Variants in ZRANB1 observed in about 807,000 individuals in gnomAD.
The protein encoded by ZRANB1 is zinc finger RANBP2-type containing 1.
Under a neutral mutation model 80.5 loss-of-function variants are expected in ZRANB1, and 16 were observed. That is an observed-to-expected ratio of 0.20 (90% CI 0.13 to 0.30). The LOEUF is 0.30. Ranked by LOEUF, ZRANB1 falls within the 10% of genes least tolerant of loss-of-function variation. The pLI is 1.00. For missense variants in ZRANB1, 576 were observed against 862.6 expected (o/e 0.67, Z 4.16); for synonymous variants, 291 against 293.1 (o/e 0.99, Z 0.07).
chr10:124,966,724 T>G lies in ZRANB1; in HGVS notation c.945T>G (p.Leu315=), dbSNP rs1329662995. The G allele has an allele frequency of 6.2e-7, 1 of 1,614,192 alleles. No individual in the cohort carries two copies. The highest frequency in any genetic ancestry group is 1.1e-5 in the South Asian group (1 of 91,086). ...CTGCCTTTGATGTTGGCTATACTCT[T>G]GTACACTTGGCTATACGTTTTCAGA... ...RPSAFDVGYT[L]VHLAIRFQRQ... is the part of the protein sequence containing the mutation. Residue 315 remains leucine, a synonymous_variant, in exon 2 of 9, where the codon CTT becomes CTG. Transcript: ENST00000359653.
At chr10:124,949,871 G>T (rs561675413) in intron 1 of ZRANB1, among the ~76,000 whole-genome samples, 4 of 152,288 alleles carry the variant, frequency 2.6e-5, no homozygotes, top group African/African-American at 7.2e-5. Flanking sequence ...TAGGGAATAT[G>T]TGAATCAGTA....
At chr10:124,968,042 G>A (rs1365006579) in intron 2 of ZRANB1, among the ~76,000 whole-genome samples, 5 of 152,016 alleles carry the variant, frequency 3.3e-5, no homozygotes, top group Non-Finnish European at 7.4e-5. Flanking sequence ...GGGATTGTAG[G>A]CACATGCCAC....
At chr10:124,963,640 A>C (rs1383702277) in intron 1 of ZRANB1, among the ~76,000 whole-genome samples, 1 of 145,640 alleles carries the variant, frequency 6.9e-6, no homozygotes, top group Admixed American at 7.2e-5. Flanking sequence ...GCGGTGGCTA[A>C]AACTTTAAAT....
chr10:124,946,704 A>G (rs1472583365), intron 1 of ZRANB1, among the ~76,000 whole-genome samples: 2 of 152,188 alleles, frequency 1.3e-5, no homozygotes, highest in Admixed American at 1.3e-4. Context: ...TGGGATAGCC[A>G]TATTCTGATG....
In ZRANB1 at chr10:124,985,948, C is replaced by T. The variant is rs1043163673; in HGVS notation, c.*956C>T. On this transcript the variant is annotated 3_prime_UTR_variant, in exon 9 of 9. Transcript: ENST00000359653. ...ATCTTGTTAGAAGGGCATGCCTTTG[C>T]TTAGGCAGATTGGGAATACCAATTC... The T allele has an allele frequency of 7.2e-5, 11 of 152,300 alleles. No individual in the cohort carries two copies. The highest frequency in any genetic ancestry group is 2.6e-4 in the Admixed American group (4 of 15,294). The allele number at this position is 152,300 out of a possible 1,614,324, so 9.4% of individuals were successfully genotyped here. A position where few individuals can be genotyped will look rare whatever the true frequency, so the allele number is the denominator to read the frequency against.
At chr10:124,961,114 G>T (rs1292940055) in intron 1 of ZRANB1, among the ~76,000 whole-genome samples, 1 of 151,878 alleles carries the variant, frequency 6.6e-6, no homozygotes, top group East Asian at 1.9e-4. Context: ...CGATTCTCCT[G>T]CCTCAGCCTC....
At chr10:124,975,546 A>C (rs1332856378) in intron 5 of ZRANB1, among the ~76,000 whole-genome samples, 1 of 152,218 alleles carries the variant, frequency 6.6e-6, no homozygotes, top group East Asian at 1.9e-4. Flanking sequence ...TCACTGGAAA[A>C]ATAATTGTTT....
chr10:124,954,533 T>C (rs954868255), intron 1 of ZRANB1, among the ~76,000 whole-genome samples: 2 of 150,118 alleles, frequency 1.3e-5, no homozygotes, highest in South Asian at 4.3e-4. Context: ...CTGCAACCTC[T>C]ACCTTCTGGG....
At chr10:124,930,292 T>G in the ZRANB1 span, among the ~76,000 whole-genome samples, 1 of 152,108 alleles carries the variant, frequency 6.6e-6, no homozygotes, top group Non-Finnish European at 1.5e-5. Flanking sequence ...CTTTCATGGA[T>G]TCTCACTCTG....
chr10:124,926,233 CTT>C, the ZRANB1 span, among the ~76,000 whole-genome samples: 1 of 152,160 alleles, frequency 6.6e-6, no homozygotes, highest in Non-Finnish European at 1.5e-5. Flanking sequence ...ACAGTGAACA[CTT>C]TGGCTACACT....
At chr10:124,923,389 C>T in the ZRANB1 span, among the ~76,000 whole-genome samples, 3 of 150,584 alleles carry the variant, frequency 2.0e-5, no homozygotes, top group African/African-American at 4.9e-5. Context: ...ATCAGGAGTT[C>T]GAGACCAACC....
the ZRANB1 span, among the ~76,000 whole-genome samples, chr10:124,922,547 C>A: frequency 2.0e-5 from 3 of 148,610 alleles, no homozygotes; most frequent in Non-Finnish European, 4.4e-5. Context: ...GGCTGGAGTA[C>A]AATGGCACGA....
rs528505506 is a variant in ZRANB1 at position 124,964,618 on chromosome 10, A to G, written c.815-1976A>G. Among the ~76,000 whole-genome samples the G allele has an allele frequency of 5.3e-5, 8 of 152,342 alleles. No individual in the cohort carries two copies. The South Asian group carries it at 1.2e-3, about 24-fold the overall frequency. ...ACGTATATACACATAAATTGTACAG[A>G]TCTTCCTCTTTGCTTTTTCAGCTAA... On this transcript the variant is annotated intron_variant, in intron 1 of 8. Coordinates refer to ENST00000359653, the MANE Select transcript of ZRANB1 (RefSeq NM_017580.3).
intron 1 of ZRANB1, among the ~76,000 whole-genome samples, chr10:124,957,264 A>G (rs1363265142): frequency 6.6e-6 from 1 of 151,918 alleles, no homozygotes; most frequent in Non-Finnish European, 1.5e-5. Flanking sequence ...CCTTATGATT[A>G]GATTCAGTTT....
chr10:124,924,494 C>T, the ZRANB1 span, among the ~76,000 whole-genome samples: 1 of 152,168 alleles, frequency 6.6e-6, no homozygotes, highest in Admixed American at 6.5e-5. Flanking sequence ...TCCGCCTTGC[C>T]TCAGCTCCTG....
At chr10:124,978,207 G>A (rs1001307832) in intron 5 of ZRANB1, among the ~76,000 whole-genome samples, 2 of 152,214 alleles carry the variant, frequency 1.3e-5, no homozygotes, top group Non-Finnish European at 1.5e-5. Context: ...GGCCTGTCAT[G>A]TGACCAGTAG....
At chr10:124,957,426 T>C (rs944290693) in intron 1 of ZRANB1, among the ~76,000 whole-genome samples, 13 of 152,196 alleles carry the variant, frequency 8.5e-5, no homozygotes, top group Non-Finnish European at 1.6e-4. Context: ...ATAAAATTTA[T>C]ACCATTTTAC....
At chr10:124,944,051 ATGTAT>A (rs1951559605) in intron 1 of ZRANB1, among the ~76,000 whole-genome samples, 1 of 152,214 alleles carries the variant, frequency 6.6e-6, no homozygotes, top group Non-Finnish European at 1.5e-5. Context: ...TATGGTTCAT[ATGTAT>A]TGTGACATTT....
chr10:124,985,111 G>C lies in ZRANB1; in HGVS notation c.*119G>C, dbSNP rs1413515738. The C allele has an allele frequency of 1.3e-6, 1 of 772,262 alleles. No individual in the cohort carries two copies. The highest frequency in any genetic ancestry group is 1.8e-5 in the South Asian group (1 of 56,504). The allele number at this position is 772,262 out of a possible 1,614,324, so 47.8% of individuals were successfully genotyped here. A position where few individuals can be genotyped will look rare whatever the true frequency, so the allele number is the denominator to read the frequency against. Reference sequence around the variant, plus strand: ...GAACCAAATCTGGCAGGATCTGCTCGGGGAAGTGTTTTCCTGGACCACACA... The same window carrying C: ...GAACCAAATCTGGCAGGATCTGCTCCGGGAAGTGTTTTCCTGGACCACACA... On this transcript the variant is annotated 3_prime_UTR_variant, in exon 9 of 9. Coordinates refer to ENST00000359653, the MANE Select transcript of ZRANB1 (RefSeq NM_017580.3).
Sources: allele counts gnomAD v4.1 joint callset (sites outside exome capture counted in the v4.1 genomes callset), GRCh38; gene constraint gnomAD v4.1.1; transcripts MANE v1.5; gene names NCBI Gene and HGNC (gene_info 2026-07-23, HGNC 2026-07-21).